Variants in KATNIP observed in about 807,000 individuals in gnomAD.
KATNIP encodes the protein katanin-interacting protein.
Under a neutral mutation model 174.0 loss-of-function variants are expected in KATNIP, and 126 were observed. The observed-to-expected ratio is 0.72, with a 90% CI of 0.63 to 0.84. The LOEUF (loss-of-function observed/expected upper bound fraction) is 0.84, where lower values mean the gene tolerates loss of function less well. Among genes scored for constraint, KATNIP ranks in the 40% least tolerant of loss-of-function variants. KATNIP has a pLI of 0.00. For synonymous variants in KATNIP, 810 were observed against 835.7 expected (o/e 0.97, Z 0.53); for missense variants, 1,958 against 2,109.7 (o/e 0.93, Z 1.41).
At chr16:27,687,596 C>T (rs956045547) in intron 8 of KATNIP, 1 of 152,186 alleles carries the variant, frequency 6.6e-6, no homozygotes, top group African/African-American at 2.4e-5. Flanking sequence ...TCTATTGCTC[C>T]AACCTCAATC....
chr16:27,738,141 G>T (rs2080965968), intron 14 of KATNIP, among the ~76,000 whole-genome samples: 1 of 152,182 alleles, frequency 6.6e-6, no homozygotes, highest in African/African-American at 2.4e-5. Flanking sequence ...GTGAATCTCA[G>T]AGCAGTTATG....
intron 13 of KATNIP, 119 bp from the exon 14 acceptor site, chr16:27,721,439 C>A: frequency 8.2e-7 from 1 of 1,217,440 alleles, no homozygotes; most frequent in South Asian, 1.2e-5. Context: ...GCCTGGCTGT[C>A]TGCCCTGAGC....
intron 14 of KATNIP, among the ~76,000 whole-genome samples, chr16:27,736,190 A>ACGGG (rs1303934044): frequency 2.6e-5 from 4 of 151,968 alleles, no homozygotes; most frequent in Non-Finnish European, 4.4e-5. Flanking sequence ...TTTAGTAGAG[A>ACGGG]CGGGGTTTCA....
intron 13 of KATNIP, among the ~76,000 whole-genome samples, chr16:27,714,054 A>G (rs917187430): frequency 6.6e-6 from 1 of 150,650 alleles, no homozygotes; most frequent in East Asian, 2.0e-4. Flanking sequence ...TCTCCTTCCA[A>G]TCCACCAACC....
intron 8 of KATNIP, among the ~76,000 whole-genome samples, chr16:27,694,011 C>G (rs2078831405): frequency 6.6e-6 from 1 of 152,154 alleles, no homozygotes; most frequent in African/African-American, 2.4e-5. Flanking sequence ...GGCACTCGGC[C>G]CCTGGCATTC....
At chr16:27,748,033 G>A (rs1401341724) in intron 15 of KATNIP, among the ~76,000 whole-genome samples, 1 of 152,206 alleles carries the variant, frequency 6.6e-6, no homozygotes, top group African/African-American at 2.4e-5. Flanking sequence ...TATGAAAGGA[G>A]GAAAAACAGA....
rs1567439001 is a variant in KATNIP at position 27,777,049 on chromosome 16, G to C, written c.4551+20G>C. ...TTTGGCGTAAGTACTTATTAGCTGA[G>C]TTTTTTGAGATAATTATGCTCGTTG... On this transcript the variant is annotated intron_variant, in intron 25 of 27. Coordinates refer to ENST00000261588, the MANE Select transcript of KATNIP (RefSeq NM_015202.5). This position sits in a 1 kb window ranked among gnomAD's most constrained non-coding sequence, Gnocchi z 4.4. 1 of 1,486,308 alleles carries C rather than the reference G, an allele frequency of 6.7e-7. No individual in the cohort carries two copies. Among genetic ancestry groups the C allele is most frequent in the Non-Finnish European group, 9.4e-7 (1 of 1,068,462 alleles). The allele number at this position is 1,486,308 out of a possible 1,614,324, so 92.1% of individuals were successfully genotyped here. A position where few individuals can be genotyped will look rare whatever the true frequency, so the allele number is the denominator to read the frequency against.
At chr16:27,765,567 GCT>G (rs2082093014) in intron 19 of KATNIP, among the ~76,000 whole-genome samples, 1 of 152,206 alleles carries the variant, frequency 6.6e-6, no homozygotes, top group Admixed American at 6.5e-5. Context: ...GAGCTGCAGA[GCT>G]CACCTGGTGC....
intron 6 of KATNIP, among the ~76,000 whole-genome samples, chr16:27,654,919 C>T (rs947190395): frequency 6.6e-6 from 1 of 151,684 alleles, no homozygotes; most frequent in African/African-American, 2.4e-5. Context: ...GGCTTGAGCT[C>T]AGGAGTTAGA....
At chr16:27,630,538 C>T (rs1053745446) in intron 4 of KATNIP, among the ~76,000 whole-genome samples, 4 of 152,196 alleles carry the variant, frequency 2.6e-5, no homozygotes, top group African/African-American at 9.6e-5. Flanking sequence ...AAGAGGGAAA[C>T]CAGTGGCTCT....
intron 2 of KATNIP, among the ~76,000 whole-genome samples, chr16:27,594,823 G>GAGATAATC (rs372113473): frequency 9.2e-5 from 14 of 152,286 alleles, no homozygotes; most frequent in African/African-American, 3.4e-4. Flanking sequence ...AGGAAAAATA[G>GAGATAATC]AGATAATCAT....
intron 19 of KATNIP, among the ~76,000 whole-genome samples, chr16:27,763,255 GC>G (rs1747801613): frequency 6.6e-6 from 1 of 151,164 alleles, no homozygotes; most frequent in Admixed American, 6.6e-5. Context: ...TTCAAGACCA[GC>G]CTGGGCAACA....
intron 3 of KATNIP, among the ~76,000 whole-genome samples, chr16:27,624,491 A>C (rs1322498314): frequency 6.6e-6 from 1 of 152,114 alleles, no homozygotes; most frequent in Non-Finnish European, 1.5e-5. Context: ...TCCTGCCCCA[A>C]CTTGAGATCC....
intron 20 of KATNIP, 72 bp downstream of exon 20, chr16:27,766,546 G>C: frequency 6.8e-7 from 1 of 1,467,320 alleles, no homozygotes; most frequent in Non-Finnish European, 9.3e-7. Flanking sequence ...GGCTGGCGTG[G>C]CAGCCAGAGA....
chr16:27,554,513 A>C (rs1200639116), intron 1 of KATNIP, among the ~76,000 whole-genome samples: 1 of 152,170 alleles, frequency 6.6e-6, no homozygotes, highest in African/African-American at 2.4e-5. Flanking sequence ...TATGATTAAA[A>C]TACTTTTGTC....
chr16:27,742,649 A>G (rs2081152670), intron 15 of KATNIP, among the ~76,000 whole-genome samples: 1 of 152,102 alleles, frequency 6.6e-6, no homozygotes, highest in Non-Finnish European at 1.5e-5. Flanking sequence ...GTAAAATGAC[A>G]CTAATAATAC....
chr16:27,638,203 A>G (rs2142229670), intron 5 of KATNIP, among the ~76,000 whole-genome samples: 1 of 152,312 alleles, frequency 6.6e-6, no homozygotes, highest in South Asian at 2.1e-4. Context: ...AGAGCCCCTC[A>G]GAGACCAGTT....
intron 19 of KATNIP, among the ~76,000 whole-genome samples, chr16:27,762,085 G>A (rs937295823): frequency 2.0e-5 from 3 of 152,124 alleles, no homozygotes; most frequent in Non-Finnish European, 4.4e-5. Context: ...CCAAGGTTGC[G>A]TCAAGTCAGT....
intron 6 of KATNIP, among the ~76,000 whole-genome samples, chr16:27,654,385 G>A (rs1240952605): frequency 6.6e-6 from 1 of 152,194 alleles, no homozygotes; most frequent in African/African-American, 2.4e-5. Context: ...AGGAGTTGGT[G>A]GCCTGAGTTT....
Sources: allele counts gnomAD v4.1 joint callset (sites outside exome capture counted in the v4.1 genomes callset), GRCh38; gene constraint gnomAD v4.1.1; non-coding constraint Gnocchi (gnomAD v3.1); transcripts MANE v1.5; gene names NCBI Gene and HGNC (gene_info 2026-07-23, HGNC 2026-07-21).